RMDN2: variants seen among roughly 807,000 people sequenced by gnomAD.
The protein encoded by RMDN2 is regulator of microtubule dynamics 2.
In RMDN2, 61 loss-of-function variants were observed where a neutral mutation model predicts 52.8. The observed-to-expected ratio is 1.16, with a 90% confidence interval of 0.94 to 1.43. RMDN2 has a LOEUF of 1.43. Ranked by LOEUF, RMDN2 falls within the 40% of genes most tolerant of loss-of-function variation. RMDN2 has a pLI of 0.00. For missense variants in RMDN2, 592 were observed against 475.3 expected (o/e 1.25, Z -2.28); for synonymous variants, 180 against 153.1 (o/e 1.18, Z -1.30).
intron 2 of RMDN2, among the ~76,000 whole-genome samples, chr2:37,947,386 T>C (rs530803633): frequency 3.5e-4 from 54 of 152,284 alleles, no homozygotes; most frequent in Non-Finnish European, 5.7e-4. Context: ...ATTCTGAAAG[T>C]AGAATTTCTA....
intron 10 of RMDN2, among the ~76,000 whole-genome samples, chr2:38,024,312 G>A (rs896657714): frequency 3.9e-5 from 6 of 152,110 alleles, no homozygotes; most frequent in African/African-American, 1.4e-4. Flanking sequence ...CACAGGAGTA[G>A]GAAGTATGGT....
At chr2:37,962,744 C>T (rs6544120) in intron 2 of RMDN2, among the ~76,000 whole-genome samples, 62,326 of 150,586 alleles carry the variant, frequency 0.41, 14,122 homozygotes, top group East Asian at 0.79. Context: ...GACTGGGGTA[C>T]GAAAAAAAAA....
At chr2:37,941,751 G>C (rs542553439) in intron 2 of RMDN2, among the ~76,000 whole-genome samples, 1 of 152,258 alleles carries the variant, frequency 6.6e-6, no homozygotes, top group South Asian at 2.1e-4. Flanking sequence ...TCCCCACCAT[G>C]CTGGAGCATC....
At chr2:37,922,537 AG>A (rs1186095305), upstream of RMDN2, among the ~76,000 whole-genome samples, 1 of 152,214 alleles carries the variant, frequency 6.6e-6, no homozygotes, top group Non-Finnish European at 1.5e-5. Context: ...TCTAATATAG[AG>A]GGTGTGCACC....
intron 2 of RMDN2, among the ~76,000 whole-genome samples, chr2:37,971,663 C>T (rs968816794): frequency 2.0e-5 from 3 of 152,124 alleles, no homozygotes; most frequent in Non-Finnish European, 4.4e-5. Context: ...ACCACATTTT[C>T]ATATGCATGT....
intron 10 of RMDN2, chr2:38,028,162 G>A (rs746255948): frequency 1.3e-5 from 2 of 151,936 alleles, no homozygotes; most frequent in Non-Finnish European, 2.9e-5. Flanking sequence ...CAGGGACCCC[G>A]AAGCTTACAC....
chr2:37,957,875 T>C (rs1056661706), intron 2 of RMDN2, among the ~76,000 whole-genome samples: 3 of 152,220 alleles, frequency 2.0e-5, no homozygotes, highest in Non-Finnish European at 4.4e-5. Flanking sequence ...GCTAGCCAGT[T>C]TTCCCAATAC....
chr2:37,969,900 TTCTC>T (rs1329288001), intron 2 of RMDN2, among the ~76,000 whole-genome samples: 1 of 151,844 alleles, frequency 6.6e-6, no homozygotes, highest in African/African-American at 2.4e-5. Flanking sequence ...CTTCCTTGCT[TTCTC>T]TTTCTTTCCT....
At chr2:37,979,189 AAT>A (rs1672976235) in intron 4 of RMDN2, among the ~76,000 whole-genome samples, 1 of 152,218 alleles carries the variant, frequency 6.6e-6, no homozygotes, top group Non-Finnish European at 1.5e-5. Context: ...ATTTATTCAA[AAT>A]TATTTTGTCA....
chr2:38,043,561 C>T (rs1242019823), intron 10 of RMDN2, among the ~76,000 whole-genome samples: 1 of 152,054 alleles, frequency 6.6e-6, no homozygotes, highest in Non-Finnish European at 1.5e-5. Context: ...TTCTTTGTTT[C>T]CTTTTTTCAT....
chr2:38,027,887 C>G (rs1045371018), intron 10 of RMDN2, among the ~76,000 whole-genome samples: 2 of 152,202 alleles, frequency 1.3e-5, no homozygotes, highest in East Asian at 1.9e-4. Context: ...CTGCCACTCT[C>G]AGACAGACTG....
intron 10 of RMDN2, among the ~76,000 whole-genome samples, chr2:38,015,125 G>A (rs1010055326): frequency 6.6e-6 from 1 of 152,200 alleles, no homozygotes; most frequent in Non-Finnish European, 1.5e-5. Flanking sequence ...GCTCCCGAAT[G>A]TGGTAACCCC....
chr2:37,989,650 G>C (rs756087920), intron 6 of RMDN2, 34 bp downstream of exon 6: 3 of 1,381,508 alleles, frequency 2.2e-6, no homozygotes, highest in South Asian at 2.5e-5. Context: ...TTTCTTTTCA[G>C]ATCCAGACAT....
chr2:37,962,999 C>T (rs554000503), intron 2 of RMDN2: 3 of 152,846 alleles, frequency 2.0e-5, no homozygotes, highest in South Asian at 2.1e-4. Flanking sequence ...CAATACCCCA[C>T]CCTCTTTGGC....
chr2:38,048,183 C>T (rs1321389522), intron 10 of RMDN2, among the ~76,000 whole-genome samples: 1 of 152,222 alleles, frequency 6.6e-6, no homozygotes, highest in Non-Finnish European at 1.5e-5. Flanking sequence ...TGCTGCAGTC[C>T]TCCCTGTCTG....
chr2:37,980,377 C>T (rs1025906740), intron 4 of RMDN2, among the ~76,000 whole-genome samples: 3 of 152,120 alleles, frequency 2.0e-5, no homozygotes, highest in African/African-American at 4.8e-5. Context: ...AATCTCAGCA[C>T]GCTGCAACCT....
At chr2:38,040,045 C>CATTATTATT (rs60031771) in intron 10 of RMDN2, among the ~76,000 whole-genome samples, 19,457 of 141,446 alleles carry the variant, frequency 0.14, 1,503 homozygotes, top group South Asian at 0.2. Flanking sequence ...TGTCTAGATT[C>CATTATTATT]ATTATTATTA....
intron 2 of RMDN2, among the ~76,000 whole-genome samples, chr2:37,932,939 C>G (rs950897901): frequency 3.3e-5 from 5 of 150,106 alleles, no homozygotes; most frequent in Non-Finnish European, 5.9e-5. Flanking sequence ...CCCTCCCGGA[C>G]GAGGTGGCTG....
In RMDN2 at chr2:38,017,267, A is replaced by G. The variant is rs368491088; in HGVS notation, c.*28A>G. ...AAACGAATTTACTCTTCAACAAATC[A>G]GATGTGGTCTACCAAAATTTAAATG... is the stretch of plus-strand genomic sequence containing the variant. On this transcript the variant is annotated 3_prime_UTR_variant, in exon 11 of 11. Coordinates refer to ENST00000354545, the MANE Select transcript of RMDN2 (RefSeq NM_001170791.3). 24 of 1,495,172 alleles carry G rather than the reference A, an allele frequency of 1.6e-5. No individual in the cohort carries two copies. Among genetic ancestry groups the G allele is most frequent in the East Asian group, 1.3e-4 (5 of 39,626 alleles). The allele number at this position is 1,495,172 out of a possible 1,614,324, so 92.6% of individuals were successfully genotyped here.
Sources: gnomAD v4.1 joint callset for allele counts (sites outside exome capture counted in the v4.1 genomes callset) on GRCh38, gnomAD v4.1.1 for gene constraint, MANE v1.5 for transcripts, NCBI Gene and HGNC (gene_info 2026-07-23, HGNC 2026-07-21) for gene names.